GARNL3: variants seen among roughly 807,000 people sequenced by gnomAD.
GARNL3 encodes the protein GTPase activating Rap/RanGAP domain like 3, also known as GTPase-activating Rap/Ran-GAP domain-like protein 3.
In GARNL3, 63 loss-of-function variants were observed where a neutral mutation model predicts 125.0. The observed-to-expected ratio is 0.50, with a 90% CI of 0.41 to 0.62. GARNL3 has a LOEUF of 0.62. Among genes scored for constraint, GARNL3 ranks in the 20% least tolerant of loss-of-function variants. The pLI is 0.00. For missense variants in GARNL3, 994 were observed against 1,244.0 expected, an observed-to-expected ratio of 0.80 and a Z score of 3.02; for synonymous variants, 439 against 457.5, an observed-to-expected ratio of 0.96 and a Z score of 0.52.
At chr9:127,342,545 T>C (rs929065013) in intron 14 of GARNL3, among the ~76,000 whole-genome samples, 2 of 152,114 alleles carry the variant, frequency 1.3e-5, no homozygotes, top group African/African-American at 4.8e-5. Context: ...GGAATGCGAT[T>C]TCCAGAAAGC....
chr9:127,379,179 A>G (rs904038664), intron 22 of GARNL3, among the ~76,000 whole-genome samples: 3 of 152,230 alleles, frequency 2.0e-5, no homozygotes, highest in Non-Finnish European at 4.4e-5. Context: ...TTGATTTGCT[A>G]AAATGGAGCA....
At chr9:127,246,694 C>CTACG (rs1226193004) in intron 2 of GARNL3, among the ~76,000 whole-genome samples, 1 of 152,036 alleles carries the variant, frequency 6.6e-6, no homozygotes, top group Non-Finnish European at 1.5e-5. Context: ...GTAGTCCCAG[C>CTACG]TACGTGGGAG....
chr9:127,247,376 C>T (rs1482302033), intron 2 of GARNL3, among the ~76,000 whole-genome samples: 3 of 152,152 alleles, frequency 2.0e-5, no homozygotes. Flanking sequence ...AGAAAAGGGA[C>T]GGATCTGGCT....
intron 1 of GARNL3, among the ~76,000 whole-genome samples, chr9:127,233,845 G>A (rs1286059245): frequency 6.6e-6 from 1 of 152,116 alleles, no homozygotes; most frequent in Non-Finnish European, 1.5e-5. Context: ...ATTATGCGTC[G>A]GGGTGCCTCC....
At chr9:127,374,040 G>C (rs548678710) in intron 22 of GARNL3, among the ~76,000 whole-genome samples, 3 of 151,814 alleles carry the variant, frequency 2.0e-5, no homozygotes, top group Non-Finnish European at 4.4e-5. Context: ...GGTGCTTCAC[G>C]CCTGTAATCC....
chr9:127,249,237 G>A (rs1440695208), intron 2 of GARNL3, among the ~76,000 whole-genome samples: 2 of 152,168 alleles, frequency 1.3e-5, no homozygotes, highest in African/African-American at 4.8e-5. Flanking sequence ...GAAGGGGCAA[G>A]AAACTATGAC....
chr9:127,356,242 C>T (rs1046894039), intron 20 of GARNL3, among the ~76,000 whole-genome samples: 5 of 152,160 alleles, frequency 3.3e-5, no homozygotes, highest in African/African-American at 1.2e-4. Flanking sequence ...GCCACGAGAC[C>T]AGTGCAGCAT....
In GARNL3 at chr9:127,283,277, A is replaced by G. The variant is rs570060186; in HGVS notation, c.145-7891A>G. ...TAGAACTTTCTACAATTATGGAAAT[A>G]TTTTTATCTGTGCTGTCCAGTGTAG... On this transcript the variant is annotated intron_variant, in intron 1 of 27. Coordinates refer to ENST00000373387, the MANE Select transcript of GARNL3 (RefSeq NM_032293.5). 2.6e-5 allele frequency among the ~76,000 whole-genome samples: 4 copies of G among 152,292 alleles called. No individual in the cohort carries two copies. In the East Asian group the frequency reaches 5.8e-4, roughly 22 times the overall value.
At chr9:127,249,990 C>T (rs941883858) in intron 2 of GARNL3, among the ~76,000 whole-genome samples, 9 of 151,796 alleles carry the variant, frequency 5.9e-5, no homozygotes, top group African/African-American at 2.2e-4. Context: ...GCCTGGGCAA[C>T]GAGTGAAACT....
At position 127,385,246 on chromosome 9, in the gene GARNL3, T is replaced by G. The variant is rs756660400; in HGVS notation, c.2388+101T>G. ...GCCGCCTCTTGTCAAGTTAGGCTGA[T>G]GAAGACCGGTGTCAGAATGCCAGCA... is the stretch of plus-strand genomic sequence containing the variant. On this transcript the variant is annotated intron_variant, in intron 24 of 27. Coordinates refer to ENST00000373387, the MANE Select transcript of GARNL3 (RefSeq NM_032293.5). The surrounding 1 kb of genome is among the most constrained non-coding windows in gnomAD (Gnocchi z 4.1). 3 of 611,894 alleles carry G rather than the reference T, an allele frequency of 4.9e-6. No homozygotes were observed. In the African/African-American group the frequency reaches 5.6e-5, roughly 11 times the overall value. The allele number at this position is 611,894 out of a possible 1,614,324, so 37.9% of individuals were successfully genotyped here.
chr9:127,305,853 G>T (rs1010200613), intron 2 of GARNL3, among the ~76,000 whole-genome samples: 4 of 152,018 alleles, frequency 2.6e-5, no homozygotes, highest in African/African-American at 7.2e-5. Flanking sequence ...TCCCAACTCG[G>T]CCTCTCAAAA....
chr9:127,327,234 A>G (rs1459327519), intron 7 of GARNL3, among the ~76,000 whole-genome samples: 1 of 152,240 alleles, frequency 6.6e-6, no homozygotes, highest in East Asian at 1.9e-4. Flanking sequence ...TGAGCAAGAA[A>G]GGTCCCTTCT....
chr9:127,345,390 T>C lies in GARNL3; in HGVS notation c.1357-13T>C. The C allele has an allele frequency of 2.5e-6, 4 of 1,573,038 alleles. No homozygotes were observed. Among genetic ancestry groups the C allele is most frequent in the Non-Finnish European group, 3.5e-6 (4 of 1,154,216 alleles). Reference sequence around the variant, plus strand: ...CGCCTAGTAAACTTTAATAGAGATCTCTGTTCTGTAAGGCACTAAAACTGA... The same window carrying C: ...CGCCTAGTAAACTTTAATAGAGATCCCTGTTCTGTAAGGCACTAAAACTGA... On this transcript the variant is annotated splice_polypyrimidine_tract_variant and intron_variant, in intron 15 of 27. Coordinates refer to ENST00000373387, the MANE Select transcript of GARNL3 (RefSeq NM_032293.5).
chr9:127,374,674 G>A (rs549100768), intron 22 of GARNL3, among the ~76,000 whole-genome samples: 3 of 152,168 alleles, frequency 2.0e-5, no homozygotes, highest in South Asian at 4.2e-4. Context: ...GTTAAAAAGA[G>A]GGCAAAACAC....
chr9:127,295,809 C>G (rs2064571891), intron 2 of GARNL3, among the ~76,000 whole-genome samples: 1 of 151,984 alleles, frequency 6.6e-6, no homozygotes, highest in South Asian at 2.1e-4. Flanking sequence ...TTGTGGAAGA[C>G]AAGTTTTTCC....
intron 2 of GARNL3, 47 bp downstream of exon 2, chr9:127,291,289 A>G: frequency 1.3e-6 from 2 of 1,493,884 alleles, no homozygotes; most frequent in Non-Finnish European, 1.9e-6. Context: ...GCACATGATT[A>G]TAGTGCCTGG....
At chr9:127,332,235 G>A in intron 7 of GARNL3, 39 bp from the exon 8 acceptor site, 1 of 1,487,772 alleles carries the variant, frequency 6.7e-7, no homozygotes, top group Non-Finnish European at 9.4e-7. Context: ...ACGCTGTGAT[G>A]ATAAAATTAA....
intron 17 of GARNL3, among the ~76,000 whole-genome samples, chr9:127,352,406 C>T (rs932100585): frequency 6.6e-6 from 1 of 152,226 alleles, no homozygotes; most frequent in Non-Finnish European, 1.5e-5. Flanking sequence ...TGTGACTGCT[C>T]TTCTCCCACA....
intron 7 of GARNL3, among the ~76,000 whole-genome samples, chr9:127,331,735 T>TTTTTA (rs1554722987): frequency 7.0e-6 from 1 of 143,734 alleles, no homozygotes; most frequent in African/African-American, 2.5e-5. Flanking sequence ...TTTTTTTTTT[T>TTTTTA]CACATCTGTT....
Sources: allele counts gnomAD v4.1 joint callset (sites outside exome capture counted in the v4.1 genomes callset), GRCh38; gene constraint gnomAD v4.1.1; non-coding constraint Gnocchi (gnomAD v3.1); transcripts MANE v1.5; gene names NCBI Gene and HGNC (gene_info 2026-07-23, HGNC 2026-07-21).